The following TMTC1 variants were observed in gnomAD, a reference collection of about 807,000 sequenced individuals.
TMTC1 encodes the protein transmembrane O-mannosyltransferase targeting cadherins 1.
A neutral mutation model predicts 104.8 loss-of-function variants in TMTC1; 73 were observed. The ratio of observed to expected loss-of-function variants is 0.70; its 90% CI spans 0.58 to 0.85. TMTC1 has a LOEUF of 0.85. TMTC1 is among the 40% of genes least tolerant of loss of function. The pLI is 0.00. For synonymous variants in TMTC1, 434 were observed against 428.7 expected, an observed-to-expected ratio of 1.01 and a Z score of -0.15; for missense variants, 1,035 against 1,096.1, an observed-to-expected ratio of 0.94 and a Z score of 0.79.
intron 9 of TMTC1, 33 bp downstream of exon 9, chr12:29,572,072 C>T (rs753311814): frequency 1.3e-6 from 2 of 1,562,982 alleles, no homozygotes; most frequent in African/African-American, 1.4e-5. Context: ...CTTTAAAGCA[C>T]CAAGGCCAAC....
intron 6 of TMTC1, among the ~76,000 whole-genome samples, chr12:29,623,676 A>G (rs987174423): frequency 1.3e-5 from 2 of 152,076 alleles, no homozygotes; most frequent in Non-Finnish European, 2.9e-5. Flanking sequence ...AGCCAGGCGC[A>G]ATGGCGGTCA....
chr12:29,539,393 A>G (rs1944731609), intron 10 of TMTC1, among the ~76,000 whole-genome samples: 1 of 152,172 alleles, frequency 6.6e-6, no homozygotes, highest in African/African-American at 2.4e-5. Context: ...CTTGGTTCAC[A>G]CATCTGATTT....
At chr12:29,622,769 T>C (rs890237035) in intron 6 of TMTC1, among the ~76,000 whole-genome samples, 5 of 152,182 alleles carry the variant, frequency 3.3e-5, no homozygotes, top group African/African-American at 9.7e-5. Flanking sequence ...AATGCCTTTC[T>C]AGAGAATGAA....
chr12:29,695,793 TTATATATATATA>T (rs113135039), intron 5 of TMTC1, among the ~76,000 whole-genome samples: 55 of 83,802 alleles, frequency 6.6e-4, no homozygotes, highest in East Asian at 4.1e-3. Context: ...TACTTCCTTT[TTATATATATATA>T]TATATATATA....
chr12:29,621,049 C>T (rs541660353), intron 6 of TMTC1, among the ~76,000 whole-genome samples: 12 of 151,920 alleles, frequency 7.9e-5, no homozygotes, highest in South Asian at 4.2e-4. Flanking sequence ...TATAATAGCA[C>T]GAAGAGGATT....
intron 10 of TMTC1, among the ~76,000 whole-genome samples, chr12:29,546,673 T>G (rs1565660995): frequency 6.6e-6 from 1 of 152,232 alleles, no homozygotes; most frequent in Non-Finnish European, 1.5e-5. Flanking sequence ...GTTCAGGCAC[T>G]TGGTACCCTA....
chr12:29,536,164 C>T (rs771437620), intron 11 of TMTC1, 45 bp downstream of exon 11: 1 of 1,206,628 alleles, frequency 8.3e-7, no homozygotes, highest in South Asian at 1.2e-5. Flanking sequence ...TTAATTTATA[C>T]ATGTAACAAT....
intron 5 of TMTC1, among the ~76,000 whole-genome samples, chr12:29,645,846 A>G (rs1410925683): frequency 6.6e-6 from 1 of 152,198 alleles, no homozygotes; most frequent in African/African-American, 2.4e-5. Flanking sequence ...AAATACTACT[A>G]GCATGTAGAA....
chr12:29,524,769 T>C (rs1338449744), intron 11 of TMTC1, among the ~76,000 whole-genome samples: 1 of 152,214 alleles, frequency 6.6e-6, no homozygotes, highest in Non-Finnish European at 1.5e-5. Context: ...ATGTTTTTGC[T>C]CACATTGGTC....
At chr12:29,761,869 G>C (rs1943358686) in intron 2 of TMTC1, among the ~76,000 whole-genome samples, 1 of 152,194 alleles carries the variant, frequency 6.6e-6, no homozygotes, top group Non-Finnish European at 1.5e-5. Context: ...TTGCAGTCAT[G>C]AAGGAGAAGC....
At chr12:29,704,019 G>A (rs1436290202) in intron 5 of TMTC1, among the ~76,000 whole-genome samples, 2 of 152,126 alleles carry the variant, frequency 1.3e-5, no homozygotes, top group East Asian at 3.9e-4. Context: ...GTGAAACTGT[G>A]AGTCCATTGA....
intron 11 of TMTC1, among the ~76,000 whole-genome samples, chr12:29,527,628 G>A (rs1014739420): frequency 1.3e-5 from 2 of 152,160 alleles, no homozygotes; most frequent in Non-Finnish European, 2.9e-5. Context: ...TAAGTTAGAA[G>A]GTGTTTTTCC....
intron 2 of TMTC1, among the ~76,000 whole-genome samples, chr12:29,763,466 G>A (rs935184272): frequency 6.6e-5 from 10 of 152,226 alleles, no homozygotes; most frequent in African/African-American, 2.4e-4. Flanking sequence ...CAGTAAGTGT[G>A]TGTTTAACTC....
intron 5 of TMTC1, among the ~76,000 whole-genome samples, chr12:29,725,011 G>GAT (rs1555192743): frequency 8.6e-6 from 1 of 115,728 alleles, no homozygotes. Flanking sequence ...TATCTGCCAA[G>GAT]TTCTTTTTTT....
chr12:29,768,444 G>C lies in TMTC1; in HGVS notation c.303-369C>G, dbSNP rs143865971. Reference sequence around the variant, plus strand: ...CTTCCCAAGCAACTGAGTGTTGAAAGGGAAGTCCAAAGGGCCATGGGTCAG... The same window carrying C: ...CTTCCCAAGCAACTGAGTGTTGAAACGGAAGTCCAAAGGGCCATGGGTCAG... On this transcript the variant is annotated intron_variant, in intron 1 of 17. Coordinates refer to ENST00000539277, the MANE Select transcript of TMTC1 (RefSeq NM_001193451.2). Among the ~76,000 whole-genome samples, 457 of 152,302 alleles carry C rather than the reference G, an allele frequency of 3.0e-3. 3 individuals carry two copies. The highest frequency in any genetic ancestry group is 0.01 in the African/African-American group (430 of 41,566).
chr12:29,544,812 TA>T (rs1944897328), intron 10 of TMTC1, among the ~76,000 whole-genome samples: 3 of 152,316 alleles, frequency 2.0e-5, no homozygotes, highest in African/African-American at 7.2e-5. Flanking sequence ...GCCCCATAGC[TA>T]AAAGGATGCT....
chr12:29,767,596 A>G (rs746114376), intron 2 of TMTC1, among the ~76,000 whole-genome samples: 7 of 152,250 alleles, frequency 4.6e-5, no homozygotes, highest in Non-Finnish European at 4.4e-5. Flanking sequence ...TAATAATAAC[A>G]GCAGTTATTT....
At chr12:29,690,545 G>A (rs569191953) in intron 5 of TMTC1, among the ~76,000 whole-genome samples, 215 of 152,252 alleles carry the variant, frequency 1.4e-3, no homozygotes, top group South Asian at 8.3e-4. Flanking sequence ...CAAAATGAAT[G>A]GAGTAAGTTT....
chr12:29,750,177 C>T (rs967689805), intron 5 of TMTC1, among the ~76,000 whole-genome samples: 2 of 152,012 alleles, frequency 1.3e-5, no homozygotes, highest in African/African-American at 2.4e-5. Context: ...CTGTGCCCTG[C>T]CCCCTCCTTG....
Sources: gnomAD v4.1 joint callset for allele counts (sites outside exome capture counted in the v4.1 genomes callset) on GRCh38, gnomAD v4.1.1 for gene constraint, MANE v1.5 for transcripts, NCBI Gene and HGNC (gene_info 2026-07-23, HGNC 2026-07-21) for gene names.